HEATR4: variants seen among roughly 807,000 people sequenced by gnomAD.
HEATR4 encodes the protein HEAT repeat containing 4, also known as HEAT repeat-containing protein 4.
In HEATR4, 95 loss-of-function variants were observed where a neutral mutation model predicts 108.8. The ratio of observed to expected loss-of-function variants is 0.87; its 90% CI spans 0.74 to 1.04. The LOEUF is 1.04. Among genes scored for constraint, HEATR4 ranks in the 50% least tolerant of loss-of-function variants. HEATR4 has a pLI of 0.00. For missense variants in HEATR4, 1,152 were observed against 1,253.8 expected, an observed-to-expected ratio of 0.92 and a Z score of 1.23; for synonymous variants, 443 against 459.4, an observed-to-expected ratio of 0.96 and a Z score of 0.46.
intron 7 of HEATR4, among the ~76,000 whole-genome samples, chr14:73,511,043 T>C (rs1419038700): frequency 6.6e-6 from 1 of 152,174 alleles, no homozygotes; most frequent in Admixed American, 6.6e-5. Context: ...ATAGTTCTTA[T>C]CAGGTGTTTA....
the HEATR4 span, chr14:73,570,005 G>A: frequency 2.1e-6 from 3 of 1,404,352 alleles, no homozygotes; most frequent in Non-Finnish European, 2.8e-6. Context: ...TATTGCCCAG[G>A]CAGGTTTCGA....
the HEATR4 span, among the ~76,000 whole-genome samples, chr14:73,585,367 G>T: frequency 6.6e-6 from 1 of 151,974 alleles, no homozygotes; most frequent in African/African-American, 2.4e-5. Context: ...TCTCCCCCAG[G>T]TGCCAAGTCC....
rs994487162 is a variant in HEATR4, at chr14:73,553,815, G to T, written c.-152+4936C>A. ...ATGCCCCGCTAAGGCCATTGTTTTG[G>T]ACTAGGCTCTAGCACTAGGCCCCAA... On this transcript the variant is annotated intron_variant, in intron 1 of 17. Transcript: ENST00000553558. Among the ~76,000 whole-genome samples, 72 of 113,262 alleles carry T rather than the reference G, an allele frequency of 6.4e-4. 21 individuals carry two copies. The highest frequency in any genetic ancestry group is 1.9e-3 in the African/African-American group (68 of 35,244). The allele number at this position is 113,262 out of a possible 152,430, so 74.3% of individuals were successfully genotyped here.
At chr14:73,595,351 T>A in the HEATR4 span, 1 of 1,614,220 alleles carries the variant, frequency 6.2e-7, no homozygotes, top group South Asian at 1.1e-5. Flanking sequence ...TCCTGCTCAT[T>A]GTTGGTCAGG....
chr14:73,538,598 T>G (rs1595154310), intron 1 of HEATR4, among the ~76,000 whole-genome samples: 8 of 61,102 alleles, frequency 1.3e-4, no homozygotes, highest in Admixed American at 9.8e-4. Context: ...GGCAATAGAG[T>G]GAGACTCCGT....
the HEATR4 span, among the ~76,000 whole-genome samples, chr14:73,604,547 G>T: frequency 0.34 from 50,828 of 151,262 alleles, 9,890 homozygotes; most frequent in East Asian, 0.64. Context: ...GTGCAATGGT[G>T]TGATCTCAGC....
intron 17 of HEATR4, chr14:73,491,205 C>T: frequency 6.3e-7 from 1 of 1,594,034 alleles, no homozygotes; most frequent in South Asian, 1.1e-5. Flanking sequence ...AGCGAGAACT[C>T]GGAGGAATCG....
At chr14:73,546,440 T>C (rs1483713168) in intron 1 of HEATR4, among the ~76,000 whole-genome samples, 1 of 109,272 alleles carries the variant, frequency 9.2e-6, no homozygotes, top group Non-Finnish European at 2.0e-5. Context: ...CTCAGCTCAC[T>C]ACAGTCTTGA....
At chr14:73,478,935 T>G in intron 17 of HEATR4, 93 bp from the exon 18 acceptor site, 1 of 905,188 alleles carries the variant, frequency 1.1e-6, no homozygotes. Flanking sequence ...CTATAGGGTG[T>G]CTCCTTTTTT....
At chr14:73,581,904 C>CT in the HEATR4 span, 24 of 68,384 alleles carry the variant, frequency 3.5e-4, 1 homozygote, top group East Asian at 0.011. Flanking sequence ...CCTGTTGCCC[C>CT]TTCTCTGAAG....
chr14:73,577,874 A>G, the HEATR4 span, among the ~76,000 whole-genome samples: 1 of 151,664 alleles, frequency 6.6e-6, no homozygotes, highest in Admixed American at 6.6e-5. Context: ...TTTTTGAGAC[A>G]GAGTCTCACT....
chr14:73,490,796 G>C (rs951411659), intron 17 of HEATR4, among the ~76,000 whole-genome samples: 1 of 151,360 alleles, frequency 6.6e-6, no homozygotes, highest in Non-Finnish European at 1.5e-5. Context: ...TAGATTCCTT[G>C]TTTGTTTGGC....
chr14:73,594,005 C>A, the HEATR4 span: 1 of 1,106,032 alleles, frequency 9.0e-7, no homozygotes, highest in Non-Finnish European at 1.3e-6. Context: ...TCCTCTTTCA[C>A]AAAGATGTCT....
At position 73,512,098 on chromosome 14, in the gene HEATR4, T is replaced by A; in HGVS notation, c.1466A>T (p.Asp489Val). The A allele has an allele frequency of 6.2e-7, 1 of 1,614,102 alleles. No homozygotes were observed. The highest frequency in any genetic ancestry group is 1.1e-5 in the South Asian group (1 of 91,084). Residue 489 changes from aspartate to valine, a missense_variant, in exon 7 of 18, where the codon GAC becomes GTC. Transcript: ENST00000553558. ...TTTGATCCGAACGTCATCATGCAGGTCTCCCAAGCTCTGAAGCAGGTTCTC... is the reference window on the plus strand; with the variant it reads ...TTTGATCCGAACGTCATCATGCAGGACTCCCAAGCTCTGAAGCAGGTTCTC... The part of the protein sequence containing the change: ...TVENLLQSLG[D>V]LHDDVRIKAI...
At position 73,550,668 on chromosome 14, in the gene HEATR4, T is replaced by A. The variant is rs181394269; in HGVS notation, c.-152+8083A>T. Among the ~76,000 whole-genome samples the A allele has an allele frequency of 2.7e-5, 3 of 112,294 alleles. 1 individual carries two copies. The highest frequency in any genetic ancestry group is 5.8e-5 in the Non-Finnish European group (3 of 51,938). The allele number at this position is 112,294 out of a possible 152,430, so 73.7% of individuals were successfully genotyped here. A position where few individuals can be genotyped will look rare whatever the true frequency, so the allele number is the denominator to read the frequency against. Reference sequence around the variant, plus strand: ...GCCTTGAACCCTCTCTCTCACAGTATACAGTCCATTCTGCATGTAAATTTC... The same window carrying A: ...GCCTTGAACCCTCTCTCTCACAGTAAACAGTCCATTCTGCATGTAAATTTC... On this transcript the variant is annotated intron_variant, in intron 1 of 17. Coordinates refer to ENST00000553558, the MANE Select transcript of HEATR4 (RefSeq NM_001220484.1).
At position 73,501,346 on chromosome 14, in the gene HEATR4, T is replaced by G. The variant is rs1886446293; in HGVS notation, c.2106-616A>C. On this transcript the variant is annotated intron_variant, in intron 11 of 17. Transcript: ENST00000553558. The stretch of plus-strand genomic sequence containing the variant: ...TTCACTATGTTAGCCAGGATGGTCT[T>G]GATCTCCTGACCTCGTGATCTGCCC... Among the ~76,000 whole-genome samples, 3 of 151,986 alleles carry G rather than the reference T, an allele frequency of 2.0e-5. No homozygotes were observed. In the South Asian group the frequency reaches 6.2e-4, roughly 32 times the overall value.
At chr14:73,506,815 T>TTTTGTTTTTTTTTTTTG (rs1339254856) in intron 9 of HEATR4, among the ~76,000 whole-genome samples, 12 of 135,630 alleles carry the variant, frequency 8.8e-5, no homozygotes, top group African/African-American at 3.5e-4. Context: ...TTTTTTTTTT[T>TTTTGTTTTTTTTTTTTG]TTTTTTTTTT....
intron 17 of HEATR4, among the ~76,000 whole-genome samples, chr14:73,488,883 G>GCA (rs1885553803): frequency 1.3e-5 from 2 of 151,334 alleles, no homozygotes; most frequent in African/African-American, 4.9e-5. Context: ...ATTAGCTTCG[G>GCA]TGGTAGCAGG....
intron 6 of HEATR4, among the ~76,000 whole-genome samples, chr14:73,513,728 CA>C (rs747778891): frequency 0.02 from 950 of 46,654 alleles, no homozygotes; most frequent in African/African-American, 0.049. Flanking sequence ...ACTACGTCTC[CA>C]AAAAAAAAAA....
Sources: gnomAD v4.1 joint callset for allele counts (sites outside exome capture counted in the v4.1 genomes callset) on GRCh38, gnomAD v4.1.1 for gene constraint, MANE v1.5 for transcripts, NCBI Gene and HGNC (gene_info 2026-07-23, HGNC 2026-07-21) for gene names.